Variants in SLC4A7 observed in about 807,000 individuals in gnomAD.
The protein encoded by SLC4A7 is solute carrier family 4 member 7.
SLC4A7 carries 51 observed loss-of-function variants against 137.6 expected under a neutral mutation model. The ratio of observed to expected loss-of-function variants is 0.37; its 90% CI spans 0.30 to 0.47. The LOEUF (loss-of-function observed/expected upper bound fraction) is 0.47. Ranked by LOEUF, SLC4A7 falls within the 20% of genes least tolerant of loss-of-function variation. SLC4A7 has a pLI of 1.00. For synonymous variants in SLC4A7, 542 were observed against 518.6 expected (o/e 1.05, Z -0.61); for missense variants, 1,247 against 1,525.4 (o/e 0.82, Z 3.04).
chr3:27,451,695 CCAT>C (rs2058084347), intron 2 of SLC4A7, among the ~76,000 whole-genome samples: 2 of 151,980 alleles, frequency 1.3e-5, no homozygotes, highest in Non-Finnish European at 2.9e-5. Context: ...CAGAAAAAGG[CCAT>C]TAGTGGAAAA....
chr3:27,390,698 T>C (rs962484444), intron 21 of SLC4A7, among the ~76,000 whole-genome samples: 9 of 152,182 alleles, frequency 5.9e-5, no homozygotes, highest in Admixed American at 5.2e-4. Flanking sequence ...CTGGATGGTG[T>C]TGAAAAAATA....
Position 27,391,731 on chromosome 3 carries a change from A to G in SLC4A7, c.3186+9T>C. 1.3e-6 allele frequency: 2 copies of G among 1,494,908 alleles called. No individual in the cohort carries two copies. The highest frequency in any genetic ancestry group is 1.8e-6 in the Non-Finnish European group (2 of 1,082,134). The allele number at this position is 1,494,908 out of a possible 1,614,324, so 92.6% of individuals were successfully genotyped here. A position where few individuals can be genotyped will look rare whatever the true frequency, so the allele number is the denominator to read the frequency against. The stretch of plus-strand genomic sequence containing the variant: ...TTCTATAGAAAATCATTAAATACTT[A>G]AAACTTGCCTGGATTCCTTTTAATG... On this transcript the variant is annotated intron_variant, in intron 21 of 25. Transcript: ENST00000454389.
chr3:27,484,277 G>C lies in SLC4A7; in HGVS notation c.-151C>G. On this transcript the variant is annotated 5_prime_UTR_variant, in exon 1 of 26. Coordinates refer to ENST00000454389, the MANE Select transcript of SLC4A7 (RefSeq NM_001321103.2). ...CGCGAGGTGTGCGCGCGTGGGGAGA[G>C]CCGGGCGCCGGGCGCGGGAGACGCG... 1 of 491,086 alleles carries C rather than the reference G, an allele frequency of 2.0e-6. No individual in the cohort carries two copies. The highest frequency in any genetic ancestry group is 3.1e-6 in the Non-Finnish European group (1 of 322,120). 30.4% of individuals were successfully genotyped at this position (491,086 alleles called of 1,614,324 possible).
intron 11 of SLC4A7, 109 bp downstream of exon 11, chr3:27,418,377 G>A: frequency 1.3e-6 from 1 of 791,470 alleles, no homozygotes; most frequent in Non-Finnish European, 2.0e-6. Context: ...AAGGTAAACA[G>A]GACGAGGTGG....
At chr3:27,429,986 CAGG>C (rs913842050) in intron 7 of SLC4A7, among the ~76,000 whole-genome samples, 2 of 152,094 alleles carry the variant, frequency 1.3e-5, no homozygotes, top group African/African-American at 4.8e-5. Flanking sequence ...GAGGCTACGG[CAGG>C]AGGATTGCTT....
At chr3:27,469,487 C>G (rs533622458) in intron 1 of SLC4A7, among the ~76,000 whole-genome samples, 1 of 152,292 alleles carries the variant, frequency 6.6e-6, no homozygotes, top group East Asian at 1.9e-4. Context: ...GCTCACAGAA[C>G]TCACAGACAC....
intron 1 of SLC4A7, among the ~76,000 whole-genome samples, chr3:27,465,953 CAA>C (rs869147513): frequency 0.036 from 4,356 of 122,532 alleles, 274 homozygotes; most frequent in African/African-American, 0.13. Context: ...GAGTCCGTCT[CAA>C]AAAAAAAAAA....
At chr3:27,450,404 G>A (rs1020884373) in intron 2 of SLC4A7, among the ~76,000 whole-genome samples, 2 of 152,086 alleles carry the variant, frequency 1.3e-5, no homozygotes, top group East Asian at 3.8e-4. Flanking sequence ...TTAAAAAAGT[G>A]TGTAATTTAA....
intron 1 of SLC4A7, among the ~76,000 whole-genome samples, chr3:27,475,660 A>G (rs1006120603): frequency 2.0e-5 from 3 of 152,218 alleles, no homozygotes; most frequent in African/African-American, 7.2e-5. Context: ...CAAATGACCA[A>G]CTTCCCCAGA....
At chr3:27,482,424 C>T (rs2150770378) in intron 1 of SLC4A7, among the ~76,000 whole-genome samples, 1 of 152,316 alleles carries the variant, frequency 6.6e-6, no homozygotes, top group Non-Finnish European at 1.5e-5. Flanking sequence ...CAACATCATA[C>T]TTGAAATACA....
At position 27,398,464 on chromosome 3, in the gene SLC4A7, C is replaced by T. The variant is rs186440432; in HGVS notation, c.2428-111G>A. ...CAACTGATTGTAAGAGGCACCATTA[C>T]TTTGTATTCCTTATAAAGAAAAAAC... is the stretch of plus-strand genomic sequence containing the variant. On this transcript the variant is annotated intron_variant, in intron 16 of 25. Coordinates refer to ENST00000454389, the MANE Select transcript of SLC4A7 (RefSeq NM_001321103.2). 10 of 824,956 alleles carry T rather than the reference C, an allele frequency of 1.2e-5. No individual in the cohort carries two copies. The Admixed American group carries it at 2.3e-4, about 19-fold the overall frequency. The allele number at this position is 824,956 out of a possible 1,614,324, so 51.1% of individuals were successfully genotyped here. A position where few individuals can be genotyped will look rare whatever the true frequency, so the allele number is the denominator to read the frequency against.
intron 3 of SLC4A7, among the ~76,000 whole-genome samples, chr3:27,445,994 T>C (rs1397018401): frequency 7.9e-5 from 9 of 114,540 alleles, no homozygotes; most frequent in Non-Finnish European, 1.4e-4. Flanking sequence ...ATATATATAG[T>C]GCCCTTGAAA....
intron 23 of SLC4A7, among the ~76,000 whole-genome samples, chr3:27,385,356 T>C (rs2050829821): frequency 6.6e-6 from 1 of 152,188 alleles, no homozygotes; most frequent in East Asian, 1.9e-4. Context: ...AATCAACTAA[T>C]GGTGGTACAC....
intron 22 of SLC4A7, among the ~76,000 whole-genome samples, chr3:27,387,123 ATATT>A (rs2051042210): frequency 1.3e-5 from 2 of 152,288 alleles, no homozygotes; most frequent in African/African-American, 4.8e-5. Context: ...CAATTTTTAA[ATATT>A]TGGTTATTAA....
rs138023545 is a variant in SLC4A7, at chr3:27,394,933, A to C, written c.2865+21T>G. 57 of 1,580,246 alleles carry C rather than the reference A, an allele frequency of 3.6e-5. No homozygotes were observed. The African/African-American group carries it at 6.8e-4, about 19-fold the overall frequency. ...AAACCCTTGAAGAATCACAATGCTT[A>C]AGGCAAAATTCTAAAATTACCTTCA... On this transcript the variant is annotated intron_variant, in intron 19 of 25. Coordinates refer to ENST00000454389, the MANE Select transcript of SLC4A7 (RefSeq NM_001321103.2).
Position 27,484,056 on chromosome 3 carries a change from G to T in SLC4A7, c.60+11C>A. On this transcript the variant is annotated intron_variant, in intron 1 of 25. Coordinates refer to ENST00000454389, the MANE Select transcript of SLC4A7 (RefSeq NM_001321103.2). ...CCCTGCGGAGGAGCCCCACCGCCGC[G>T]GCGCCCTCACCCTGCTCGTTACCCG... 7.2e-7 allele frequency: 1 copy of T among 1,396,566 alleles called. No homozygotes were observed. The allele number at this position is 1,396,566 out of a possible 1,614,324, so 86.5% of individuals were successfully genotyped here. A position where few individuals can be genotyped will look rare whatever the true frequency, so the allele number is the denominator to read the frequency against.
chr3:27,387,367 C>T (rs2051076292), intron 22 of SLC4A7, among the ~76,000 whole-genome samples: 1 of 152,106 alleles, frequency 6.6e-6, no homozygotes, highest in Non-Finnish European at 1.5e-5. Context: ...ATATAATGCA[C>T]ACCCAGACAA....
At chr3:27,441,646 A>G (rs1441315640) in intron 3 of SLC4A7, among the ~76,000 whole-genome samples, 1 of 151,756 alleles carries the variant, frequency 6.6e-6, no homozygotes, top group Non-Finnish European at 1.5e-5. Context: ...ACATTGCCAT[A>G]CCCAGGTAAT....
At chr3:27,423,111 T>A (rs558194845) in intron 8 of SLC4A7, among the ~76,000 whole-genome samples, 11 of 152,332 alleles carry the variant, frequency 7.2e-5, no homozygotes, top group African/African-American at 2.6e-4. Context: ...ACAGCCAATG[T>A]CCGTAATGCT....
Sources: gnomAD v4.1 joint callset for allele counts (sites outside exome capture counted in the v4.1 genomes callset) on GRCh38, gnomAD v4.1.1 for gene constraint, MANE v1.5 for transcripts, NCBI Gene and HGNC (gene_info 2026-07-23, HGNC 2026-07-21) for gene names.